Variants in PRDM16 observed in about 807,000 individuals in gnomAD.
The protein encoded by PRDM16 is histone-lysine N-methyltransferase PRDM16.
In PRDM16, 23 loss-of-function variants were observed where a neutral mutation model predicts 110.6. That is an observed-to-expected ratio of 0.21 (90% CI 0.15 to 0.29). The LOEUF (loss-of-function observed/expected upper bound fraction) is 0.29. Ranked by LOEUF, PRDM16 falls within the 10% of genes least tolerant of loss-of-function variation. The pLI, the probability that PRDM16 is intolerant of heterozygous loss-of-function variation, is 1.00. For synonymous variants in PRDM16, 799 were observed against 781.8 expected, an observed-to-expected ratio of 1.02 and a Z score of -0.37; for missense variants, 1,615 against 1,794.3, an observed-to-expected ratio of 0.90 and a Z score of 1.81.
At chr1:3,181,323 A>ACACAGTCTTACACACGG (rs1557508712) in intron 1 of PRDM16, among the ~76,000 whole-genome samples, 1 of 30,598 alleles carries the variant, frequency 3.3e-5, no homozygotes, top group Admixed American at 4.0e-4. Context: ...TACACACGCA[A>ACACAGTCTTACACACGG]TCTTACACAA....
chr1:3,388,977 G>A (rs1444665595), intron 4 of PRDM16, among the ~76,000 whole-genome samples: 1 of 152,204 alleles, frequency 6.6e-6, no homozygotes, highest in African/African-American at 2.4e-5. Context: ...CTGCTGAGCT[G>A]GGCAGTGCAG....
intron 1 of PRDM16, among the ~76,000 whole-genome samples, chr1:3,181,496 G>A (rs147115609): frequency 0.02 from 278 of 13,800 alleles, 125 homozygotes; most frequent in Non-Finnish European, 0.034. Context: ...ACAGCCTTAC[G>A]CATGGTCTTA....
chr1:3,396,250 G>C, intron 4 of PRDM16: 1 of 567,802 alleles, frequency 1.8e-6, no homozygotes, highest in East Asian at 4.0e-5. Flanking sequence ...GATCCTACCT[G>C]TTTAGTCGGC....
rs1297154163 is a variant in PRDM16 at position 3,347,559 on chromosome 1, T to G, written c.439-37593T>G. 3.5e-4 allele frequency among the ~76,000 whole-genome samples: 52 copies of G among 149,966 alleles called. 1 individual carries two copies. The South Asian group carries it at 0.011, about 30-fold the overall frequency. On this transcript the variant is annotated intron_variant, in intron 3 of 16. Transcript: ENST00000270722. ...ATCAAGGCAAGAGGCAGTCAGGGGG[T>G]GGGGGTGGGGGCAGAGCCGTCTCTC...
rs184935892 is a variant in PRDM16, at chr1:3,272,494, G to A, written c.438+28357G>A. Among the ~76,000 whole-genome samples, 10 of 152,246 alleles carry A rather than the reference G, an allele frequency of 6.6e-5. No homozygotes were observed. The East Asian group carries it at 7.7e-4, about 12-fold the overall frequency. Reference sequence around the variant, plus strand: ...CAGCCTCTGCTGTGAGGCTCCTTCCGGGACCTCGGGGAGGCTCGCACTGGG... The same window carrying A: ...CAGCCTCTGCTGTGAGGCTCCTTCCAGGACCTCGGGGAGGCTCGCACTGGG... On this transcript the variant is annotated intron_variant, in intron 3 of 16. Coordinates refer to ENST00000270722, the MANE Select transcript of PRDM16 (RefSeq NM_022114.4).
At chr1:3,131,866 TTCC>T (rs1451047529) in intron 1 of PRDM16, among the ~76,000 whole-genome samples, 1 of 152,196 alleles carries the variant, frequency 6.6e-6, no homozygotes, top group Non-Finnish European at 1.5e-5. Context: ...CTCCACTGCC[TTCC>T]TCCTCCTCCC....
In PRDM16 at chr1:3,202,514, G is replaced by C. The variant is rs191865026; in HGVS notation, c.387+16040G>C. Among the ~76,000 whole-genome samples the C allele has an allele frequency of 1.8e-3, 274 of 152,272 alleles. 1 individual carries two copies. Among genetic ancestry groups the C allele is most frequent in the Non-Finnish European group, 2.1e-3 (141 of 68,022 alleles). ...ATCCTAGGAGAGCAGACACCTGCTC[G>C]AGCCTAAGTAGGCCTTTTGCATTTT... On this transcript the variant is annotated intron_variant, in intron 2 of 16. Coordinates refer to ENST00000270722, the MANE Select transcript of PRDM16 (RefSeq NM_022114.4).
intron 1 of PRDM16, among the ~76,000 whole-genome samples, chr1:3,149,835 AC>A (rs1365400187): frequency 1.3e-5 from 2 of 152,118 alleles, no homozygotes; most frequent in Non-Finnish European, 2.9e-5. Flanking sequence ...CACCCGCCCT[AC>A]TCATCCAAGC....
chr1:3,224,609 C>T (rs950868944), intron 2 of PRDM16, among the ~76,000 whole-genome samples: 1 of 152,240 alleles, frequency 6.6e-6, no homozygotes, highest in South Asian at 2.1e-4. Context: ...AAACGTGCTC[C>T]GGTCTGACTT....
In PRDM16 at chr1:3,350,699, C is replaced by T. The variant is rs540716022; in HGVS notation, c.439-34453C>T. 1.3e-5 allele frequency among the ~76,000 whole-genome samples: 2 copies of T among 152,242 alleles called. No individual in the cohort carries two copies. The highest frequency in any genetic ancestry group is 4.1e-4 in the South Asian group (2 of 4,828). On this transcript the variant is annotated intron_variant, in intron 3 of 16. Transcript: ENST00000270722. The surrounding 1 kb of genome is among the most constrained non-coding windows in gnomAD (Gnocchi z 7.1). ...AAGGCAGGGCTTTGGCACCATGCAG[C>T]CTCCCAGATGGCCGGGCCGGGCTGG... is the stretch of plus-strand genomic sequence containing the variant.
rs1034740811 is a variant in PRDM16 at position 3,425,205 on chromosome 1, G to C, written c.2940-376G>C. ...CCATTCTCCTGCCTCAGCCTCCAGA[G>C]TAGCTGGGACTACAGGCGCCCACCA... On this transcript the variant is annotated intron_variant, in intron 12 of 16. Transcript: ENST00000270722. This position sits in a 1 kb window ranked among gnomAD's most constrained non-coding sequence, Gnocchi z 6.9. The C allele has an allele frequency of 1.3e-3, 218 of 169,362 alleles. 1 individual carries two copies. Among genetic ancestry groups the C allele is most frequent in the African/African-American group, 4.2e-3 (177 of 41,890 alleles). The allele number at this position is 169,362 out of a possible 1,614,324, so 10.5% of individuals were successfully genotyped here.
At chr1:3,200,153 C>T (rs2088887) in intron 2 of PRDM16, among the ~76,000 whole-genome samples, 2,782 of 152,328 alleles carry the variant, frequency 0.018, 43 homozygotes, top group Middle Eastern at 0.051. Flanking sequence ...TGATGACTGC[C>T]CAGGGCCTGA....
intron 1 of PRDM16, among the ~76,000 whole-genome samples, chr1:3,101,471 G>A (rs192997960): frequency 2.1e-4 from 32 of 152,358 alleles, no homozygotes; most frequent in African/African-American, 6.5e-4. Context: ...GTGAGCGGAC[G>A]TCCCAGCACC....
intron 3 of PRDM16, among the ~76,000 whole-genome samples, chr1:3,262,466 A>G (rs536203673): frequency 2.0e-5 from 3 of 152,370 alleles, no homozygotes; most frequent in African/African-American, 7.2e-5. Flanking sequence ...GCTTCATTCA[A>G]GAGCCTGGGA....
chr1:3,150,193 C>T (rs1242998907), intron 1 of PRDM16, among the ~76,000 whole-genome samples: 9 of 152,228 alleles, frequency 5.9e-5, no homozygotes, highest in African/African-American at 2.2e-4. Flanking sequence ...ATGTAACCTT[C>T]CAGAACTTGT....
chr1:3,411,319 G>A, intron 8 of PRDM16, 65 bp from the exon 9 acceptor site: 1 of 1,521,698 alleles, frequency 6.6e-7, no homozygotes, highest in Non-Finnish European at 8.9e-7. Flanking sequence ...ATTTCATGTG[G>A]CGTTTTCAGC....
At position 3,412,471 on chromosome 1, in the gene PRDM16, C is replaced by T; in HGVS notation, c.2274C>T (p.Pro758=). ...NLLVKAEPKS[P]RDALKVGGPS... ...TGGTCAAGGCCGAGCCAAAGTCACC[C>T]CGGGACGCCCTCAAGGTGGGCGGCC... The change falls in exon 9 of 17, where the codon CCC becomes CCT. Residue 758 remains proline, a synonymous_variant. Transcript: ENST00000270722. The T allele has an allele frequency of 1.2e-6, 2 of 1,613,482 alleles. No homozygotes were observed. Among genetic ancestry groups the T allele is most frequent in the South Asian group, 1.1e-5 (1 of 91,086 alleles).
At chr1:3,146,810 T>C (rs1310658482) in intron 1 of PRDM16, among the ~76,000 whole-genome samples, 2 of 134,142 alleles carry the variant, frequency 1.5e-5, no homozygotes, top group East Asian at 5.0e-4. Flanking sequence ...TGTGTACGTG[T>C]GTGCTCAGTA....
At chr1:3,261,760 G>A (rs1035796688) in intron 3 of PRDM16, among the ~76,000 whole-genome samples, 4 of 152,170 alleles carry the variant, frequency 2.6e-5, no homozygotes, top group East Asian at 1.9e-4. Context: ...AAGAACTGGC[G>A]TTCAGCCTGC....
Sources: gnomAD v4.1 joint callset for allele counts (sites outside exome capture counted in the v4.1 genomes callset) on GRCh38, gnomAD v4.1.1 for gene constraint, Gnocchi (gnomAD v3.1) non-coding constraint, MANE v1.5 for transcripts, NCBI Gene and HGNC (gene_info 2026-07-23, HGNC 2026-07-21) for gene names.